Variants in NRXN1 observed in about 807,000 individuals in gnomAD.
NRXN1 encodes the protein neurexin-1.
Under a neutral mutation model 150.9 loss-of-function variants are expected in NRXN1, and 39 were observed. That is an observed-to-expected ratio of 0.26 (90% CI 0.20 to 0.34). The LOEUF is 0.34. Among genes scored for constraint, NRXN1 ranks in the 10% least tolerant of loss-of-function variants. The pLI is 1.00. For synonymous variants in NRXN1, 924 were observed against 757.0 expected (o/e 1.22, Z -3.62); for missense variants, 1,815 against 1,949.9 (o/e 0.93, Z 1.30).
At chr2:50,072,399 A>G (rs1696417426) in intron 19 of NRXN1, among the ~76,000 whole-genome samples, 1 of 152,118 alleles carries the variant, frequency 6.6e-6, no homozygotes, top group South Asian at 2.1e-4. Context: ...ATTTTCTTCA[A>G]TTTGGAAACT....
chr2:50,672,454 A>G (rs1224573071), intron 5 of NRXN1, among the ~76,000 whole-genome samples: 1 of 152,024 alleles, frequency 6.6e-6, no homozygotes, highest in Non-Finnish European at 1.5e-5. Context: ...GAGGTAACAC[A>G]TGCTTGATGA....
chr2:51,031,366 C>T (rs927548956), intron 1 of NRXN1, among the ~76,000 whole-genome samples: 7 of 152,092 alleles, frequency 4.6e-5, no homozygotes, highest in African/African-American at 1.4e-4. Flanking sequence ...GTACGCTCAT[C>T]GGCTGCAGTT....
At chr2:50,078,161 C>T (rs938303045) in intron 19 of NRXN1, among the ~76,000 whole-genome samples, 5 of 151,962 alleles carry the variant, frequency 3.3e-5, no homozygotes, top group African/African-American at 1.2e-4. Flanking sequence ...TTAAGTTACA[C>T]CTTTGGATTG....
chr2:50,927,833 G>A (rs1687134671), intron 2 of NRXN1, among the ~76,000 whole-genome samples: 1 of 151,850 alleles, frequency 6.6e-6, no homozygotes, highest in African/African-American at 2.4e-5. Flanking sequence ...GTGAGGAGCA[G>A]TGCTTCGGTA....
chr2:50,244,901 T>C (rs1408023877), intron 17 of NRXN1, among the ~76,000 whole-genome samples: 1 of 151,992 alleles, frequency 6.6e-6, no homozygotes, highest in Middle Eastern at 3.4e-3. Flanking sequence ...AAGCACTGAT[T>C]AATGAAAACC....
intron 3 of NRXN1, chr2:50,923,486 A>G (rs1175718551): frequency 4.2e-6 from 1 of 235,522 alleles, no homozygotes; most frequent in African/African-American, 2.3e-5. Flanking sequence ...CCTTTATTTA[A>G]TTTATTTATT....
chr2:50,096,202 T>C (rs1364159744), intron 18 of NRXN1, among the ~76,000 whole-genome samples: 1 of 152,050 alleles, frequency 6.6e-6, no homozygotes. Flanking sequence ...CATCAGGCTT[T>C]GAAAAACAGT....
intron 5 of NRXN1, among the ~76,000 whole-genome samples, chr2:50,805,645 C>CGGAA (rs1554095857): frequency 2.6e-5 from 4 of 151,630 alleles, no homozygotes; most frequent in Non-Finnish European, 5.9e-5. Flanking sequence ...GTCAAAAGGA[C>CGGAA]GGAAGGAAGG....
chr2:50,110,135 A>G (rs1198170434), intron 18 of NRXN1, among the ~76,000 whole-genome samples: 1 of 152,188 alleles, frequency 6.6e-6, no homozygotes, highest in Non-Finnish European at 1.5e-5. Flanking sequence ...CAAGTAGGAC[A>G]CAGGGAAAAG....
At chr2:49,967,614 A>C (rs1262072984) in intron 21 of NRXN1, among the ~76,000 whole-genome samples, 1 of 152,208 alleles carries the variant, frequency 6.6e-6, no homozygotes, top group African/African-American at 2.4e-5. Context: ...ATCAATTTAA[A>C]CCTTCATATC....
chr2:50,701,351 A>G (rs1693718324), intron 5 of NRXN1, among the ~76,000 whole-genome samples: 1 of 152,162 alleles, frequency 6.6e-6, no homozygotes, highest in Non-Finnish European at 1.5e-5. Flanking sequence ...TACAAACAGT[A>G]TTATTATTAC....
intron 18 of NRXN1, among the ~76,000 whole-genome samples, chr2:50,223,771 C>G (rs908979970): frequency 5.3e-5 from 8 of 151,926 alleles, no homozygotes; most frequent in African/African-American, 1.7e-4. Flanking sequence ...CACAGAGACT[C>G]CCCCTGCCTT....
intron 21 of NRXN1, among the ~76,000 whole-genome samples, chr2:50,050,999 TTTTA>T (rs1284895128): frequency 6.6e-6 from 1 of 151,992 alleles, no homozygotes; most frequent in African/African-American, 2.4e-5. Flanking sequence ...CCTAATAATC[TTTTA>T]TTTAAGTCAA....
At chr2:50,726,488 T>G (rs1217477344) in intron 5 of NRXN1, among the ~76,000 whole-genome samples, 1 of 152,204 alleles carries the variant, frequency 6.6e-6, no homozygotes, top group African/African-American at 2.4e-5. Flanking sequence ...GATAGTTACA[T>G]TTCTTGGTCA....
chr2:49,971,124 C>T (rs1275652383), intron 21 of NRXN1, among the ~76,000 whole-genome samples: 1 of 152,076 alleles, frequency 6.6e-6, no homozygotes, highest in African/African-American at 2.4e-5. Context: ...GCCTAAAGTA[C>T]TTGGCTACAT....
At chr2:50,041,230 A>G (rs1023238461) in intron 21 of NRXN1, among the ~76,000 whole-genome samples, 1 of 152,192 alleles carries the variant, frequency 6.6e-6, no homozygotes. Flanking sequence ...TTATCCCAAC[A>G]TGTCCCTCTA....
At chr2:50,095,980 C>T (rs576551573) in intron 18 of NRXN1, among the ~76,000 whole-genome samples, 21 of 130,834 alleles carry the variant, frequency 1.6e-4, no homozygotes, top group Non-Finnish European at 3.1e-4. Flanking sequence ...TGTTCCCCTT[C>T]CTGTGTCCAA....
At chr2:50,435,747 A>C (rs772034668) in intron 17 of NRXN1, among the ~76,000 whole-genome samples, 3 of 152,136 alleles carry the variant, frequency 2.0e-5, no homozygotes, top group Non-Finnish European at 2.9e-5. Context: ...GTGGGAGCTA[A>C]ACATTGAGAA....
chr2:50,050,770 T>C (rs1692588778), intron 21 of NRXN1, among the ~76,000 whole-genome samples: 1 of 119,298 alleles, frequency 8.4e-6, no homozygotes, highest in Non-Finnish European at 1.8e-5. Context: ...TATAAATAAA[T>C]TGCTTTCTTC....
Sources: gnomAD v4.1 joint callset for allele counts (sites outside exome capture counted in the v4.1 genomes callset) on GRCh38, gnomAD v4.1.1 for gene constraint, MANE v1.5 for transcripts, NCBI Gene and HGNC (gene_info 2026-07-23, HGNC 2026-07-21) for gene names.